LINGO2: variants seen among roughly 807,000 people sequenced by gnomAD.
LINGO2 encodes the protein leucine rich repeat and Ig domain containing 2, also known as leucine-rich repeat and immunoglobulin-like domain-containing nogo receptor-interacting protein 2.
LINGO2 carries 14 observed loss-of-function variants against 30.6 expected under a neutral mutation model. That is an observed-to-expected ratio of 0.46 (90% CI 0.30 to 0.72). The LOEUF (loss-of-function observed/expected upper bound fraction) is 0.72, where lower values mean the gene tolerates loss of function less well. Among genes scored for constraint, LINGO2 ranks in the 30% least tolerant of loss-of-function variants. The pLI is 0.07. For synonymous variants in LINGO2, 317 were observed against 288.5 expected (o/e 1.10, Z -1.00); for missense variants, 729 against 751.7 (o/e 0.97, Z 0.35).
At chr9:29,213,529 C>T in the LINGO2 span, among the ~76,000 whole-genome samples, 1 of 152,076 alleles carries the variant, frequency 6.6e-6, no homozygotes, top group African/African-American at 2.4e-5. Flanking sequence ...GAGGAGGCGG[C>T]TGCAAGGCGG....
intron 1 of LINGO2, among the ~76,000 whole-genome samples, chr9:28,637,998 C>G (rs1823106926): frequency 6.6e-6 from 1 of 152,102 alleles, no homozygotes; most frequent in Admixed American, 6.6e-5. Flanking sequence ...TACAACCCAT[C>G]AATAACTAAT....
the LINGO2 span, among the ~76,000 whole-genome samples, chr9:28,883,974 G>A: frequency 2.6e-5 from 4 of 151,480 alleles, no homozygotes; most frequent in Admixed American, 6.6e-5. Flanking sequence ...CACCGCGCCC[G>A]GCTAGAATAT....
intron 3 of LINGO2, among the ~76,000 whole-genome samples, chr9:28,343,206 T>C (rs1223507571): frequency 6.6e-6 from 1 of 152,182 alleles, no homozygotes. Flanking sequence ...TAATGGGTCA[T>C]ACAATGAAGC....
At chr9:28,021,518 G>A (rs542950659) in intron 4 of LINGO2, among the ~76,000 whole-genome samples, 1 of 152,228 alleles carries the variant, frequency 6.6e-6, no homozygotes, top group Non-Finnish European at 1.5e-5. Context: ...TTGATTGGTA[G>A]AGCTGTTTGG....
intron 1 of LINGO2, among the ~76,000 whole-genome samples, chr9:28,536,107 C>T (rs528362461): frequency 6.6e-6 from 1 of 152,130 alleles, no homozygotes; most frequent in South Asian, 2.1e-4. Flanking sequence ...AATGAAATTG[C>T]AAGAAAGAGA....
At chr9:28,111,860 G>C (rs1476686050) in intron 4 of LINGO2, among the ~76,000 whole-genome samples, 4 of 151,942 alleles carry the variant, frequency 2.6e-5, no homozygotes, top group Non-Finnish European at 5.9e-5. Context: ...ATATGAAGGT[G>C]ATATTCAAAC....
At chr9:28,691,107 G>A in the LINGO2 span, among the ~76,000 whole-genome samples, 2 of 152,098 alleles carry the variant, frequency 1.3e-5, no homozygotes, top group Non-Finnish European at 1.5e-5. Context: ...CAACCATAAG[G>A]TTTTGGTTAA....
intron 2 of LINGO2, among the ~76,000 whole-genome samples, chr9:28,375,646 T>C (rs1821100914): frequency 6.6e-6 from 1 of 152,182 alleles, no homozygotes; most frequent in Admixed American, 6.5e-5. Flanking sequence ...TGGTAAATTC[T>C]CTAAATCAAT....
the LINGO2 span, among the ~76,000 whole-genome samples, chr9:28,859,301 C>G: frequency 6.6e-6 from 1 of 152,028 alleles, no homozygotes; most frequent in Non-Finnish European, 1.5e-5. Flanking sequence ...AATTAGGACA[C>G]TGATTACAGT....
intron 4 of LINGO2, among the ~76,000 whole-genome samples, chr9:28,046,679 T>TC (rs1303670176): frequency 1.3e-5 from 2 of 152,126 alleles, no homozygotes; most frequent in African/African-American, 4.8e-5. Flanking sequence ...TCTTAAAATG[T>TC]CTTATTTTAA....
the LINGO2 span, among the ~76,000 whole-genome samples, chr9:29,202,373 T>C: frequency 6.6e-6 from 1 of 152,002 alleles, no homozygotes; most frequent in African/African-American, 2.4e-5. Context: ...CACGGAGACA[T>C]ATTTTTAAAT....
intron 3 of LINGO2, among the ~76,000 whole-genome samples, chr9:28,323,317 A>C (rs958152133): frequency 3.9e-5 from 6 of 152,144 alleles, no homozygotes; most frequent in Admixed American, 2.6e-4. Context: ...TATAAGAAAC[A>C]ACCTGGGTGC....
At chr9:28,967,149 C>T in the LINGO2 span, among the ~76,000 whole-genome samples, 1 of 152,116 alleles carries the variant, frequency 6.6e-6, no homozygotes, top group Non-Finnish European at 1.5e-5. Context: ...ATGAGCACCC[C>T]TAGAGCTGAG....
At chr9:28,837,006 C>T in the LINGO2 span, among the ~76,000 whole-genome samples, 3 of 152,172 alleles carry the variant, frequency 2.0e-5, no homozygotes, top group East Asian at 3.9e-4. Context: ...ATTTCTATTA[C>T]AGGACAAAGT....
In LINGO2 at chr9:28,147,270, G is replaced by A. The variant is rs971183784; in HGVS notation, c.-86-134865C>T. Among the ~76,000 whole-genome samples, 28 of 152,290 alleles carry A rather than the reference G, an allele frequency of 1.8e-4. No individual in the cohort carries two copies. The highest frequency in any genetic ancestry group is 1.5e-3 in the Admixed American group (23 of 15,300). On this transcript the variant is annotated intron_variant, in intron 4 of 5. Coordinates refer to ENST00000379992, the Ensembl canonical transcript of LINGO2. This position sits in a 1 kb window ranked among gnomAD's most constrained non-coding sequence, Gnocchi z 4.7. Reference sequence around the variant, plus strand: ...AGGCCAGAGCGCCAGCTGTGGAATCGCACAGCCTGGGTTCAAAGCCTGGCT... The same window carrying A: ...AGGCCAGAGCGCCAGCTGTGGAATCACACAGCCTGGGTTCAAAGCCTGGCT...
chr9:27,975,286 G>C (rs570097638), intron 5 of LINGO2, among the ~76,000 whole-genome samples: 4 of 151,812 alleles, frequency 2.6e-5, no homozygotes, highest in Non-Finnish European at 5.9e-5. Context: ...ACTATTTAAA[G>C]TATCTTTCTT....
chr9:29,170,925 A>G, the LINGO2 span, among the ~76,000 whole-genome samples: 1 of 152,122 alleles, frequency 6.6e-6, no homozygotes, highest in Non-Finnish European at 1.5e-5. Flanking sequence ...ACTTTTTCAC[A>G]TGTTTTAGTT....
At chr9:28,855,046 A>T in the LINGO2 span, among the ~76,000 whole-genome samples, 1 of 151,904 alleles carries the variant, frequency 6.6e-6, no homozygotes, top group Non-Finnish European at 1.5e-5. Context: ...ATATAAACCC[A>T]CCTTTAGGCT....
chr9:28,436,782 C>T (rs1823959694), intron 2 of LINGO2, among the ~76,000 whole-genome samples: 2 of 151,940 alleles, frequency 1.3e-5, no homozygotes, highest in Non-Finnish European at 2.9e-5. Context: ...AAAAGCGTGT[C>T]GGGGTATAGA....
Sources: allele counts gnomAD v4.1 joint callset (sites outside exome capture counted in the v4.1 genomes callset), GRCh38; gene constraint gnomAD v4.1.1; non-coding constraint Gnocchi (gnomAD v3.1); transcripts MANE v1.5; gene names NCBI Gene and HGNC (gene_info 2026-07-23, HGNC 2026-07-21).